The following MAGI2 variants were observed in gnomAD, a reference collection of about 807,000 sequenced individuals.
MAGI2 encodes the protein membrane associated guanylate kinase, WW and PDZ domain containing 2, also known as membrane-associated guanylate kinase, WW and PDZ domain-containing protein 2.
MAGI2 carries 35 observed loss-of-function variants against 133.3 expected under a neutral mutation model. The observed-to-expected ratio is 0.26, with a 90% CI of 0.20 to 0.35. MAGI2 has a LOEUF of 0.35. MAGI2 is among the 10% of genes least tolerant of loss of function. The pLI, the probability that MAGI2 is intolerant of heterozygous loss-of-function variation, is 1.00. For synonymous variants in MAGI2, 729 were observed against 710.6 expected, an observed-to-expected ratio of 1.03 and a Z score of -0.41; for missense variants, 1,636 against 1,863.4, an observed-to-expected ratio of 0.88 and a Z score of 2.25.
At chr7:78,778,337 C>T (rs766959550) in intron 2 of MAGI2, among the ~76,000 whole-genome samples, 1 of 152,208 alleles carries the variant, frequency 6.6e-6, no homozygotes, top group Non-Finnish European at 1.5e-5. Flanking sequence ...TCACTTTCCC[C>T]ATTCCCTTAG....
intron 3 of MAGI2, among the ~76,000 whole-genome samples, chr7:78,619,448 G>T (rs1807477712): frequency 1.3e-5 from 2 of 151,910 alleles, no homozygotes; most frequent in South Asian, 4.1e-4. Context: ...GGTTAATATT[G>T]TAGTTAAGGT....
chr7:79,080,268 C>T (rs1326207632), intron 1 of MAGI2, among the ~76,000 whole-genome samples: 1 of 152,032 alleles, frequency 6.6e-6, no homozygotes, highest in African/African-American at 2.4e-5. Context: ...ATGAAATGTA[C>T]AATCAATGAC....
At chr7:78,524,513 T>A (rs1224400058) in intron 3 of MAGI2, among the ~76,000 whole-genome samples, 1 of 152,128 alleles carries the variant, frequency 6.6e-6, no homozygotes, top group Non-Finnish European at 1.5e-5. Context: ...AAGAGAGTAA[T>A]GCAAGAAAAA....
At chr7:78,338,643 C>T (rs1222823865) in intron 9 of MAGI2, among the ~76,000 whole-genome samples, 3 of 152,140 alleles carry the variant, frequency 2.0e-5, no homozygotes, top group Non-Finnish European at 4.4e-5. Flanking sequence ...GAGCCATTCC[C>T]TCTATTATAA....
At chr7:78,470,816 A>G (rs1791121570) in intron 6 of MAGI2, among the ~76,000 whole-genome samples, 1 of 152,184 alleles carries the variant, frequency 6.6e-6, no homozygotes. Flanking sequence ...TGTTATATGG[A>G]CATCATGTAA....
At chr7:79,326,624 T>C (rs769847667) in intron 1 of MAGI2, among the ~76,000 whole-genome samples, 3 of 151,766 alleles carry the variant, frequency 2.0e-5, no homozygotes, top group Admixed American at 6.6e-5. Flanking sequence ...AAAATATTAG[T>C]CATTCAGAGC....
At chr7:78,402,306 GGTGT>G (rs756360570) in intron 6 of MAGI2, among the ~76,000 whole-genome samples, 1 of 144,302 alleles carries the variant, frequency 6.9e-6, no homozygotes, top group African/African-American at 2.6e-5. Flanking sequence ...GTCCACCTGG[GGTGT>G]GTGTGTATCC....
chr7:78,522,371 G>C (rs1796578031), intron 3 of MAGI2, among the ~76,000 whole-genome samples: 1 of 152,124 alleles, frequency 6.6e-6, no homozygotes, highest in Admixed American at 6.6e-5. Context: ...TTTATTAAGT[G>C]ATCATCTTTA....
chr7:78,861,973 A>G (rs113469973), intron 2 of MAGI2, among the ~76,000 whole-genome samples: 2 of 152,338 alleles, frequency 1.3e-5, no homozygotes, highest in African/African-American at 2.4e-5. Flanking sequence ...AATGTGGAAT[A>G]CCAATTAAAC....
intron 9 of MAGI2, among the ~76,000 whole-genome samples, chr7:78,320,860 A>G (rs1205953201): frequency 6.6e-6 from 1 of 152,156 alleles, no homozygotes; most frequent in African/African-American, 2.4e-5. Context: ...ACATGATGGT[A>G]TATTTAGAAA....
Position 78,240,435 on chromosome 7 carries a change from A to G in MAGI2, c.2047+15508T>C, listed in dbSNP as rs199518934. Among the ~76,000 whole-genome samples the G allele has an allele frequency of 1.7e-4, 26 of 152,306 alleles. No individual in the cohort carries two copies. The East Asian group carries it at 4.8e-3, about 28-fold the overall frequency. On this transcript the variant is annotated intron_variant, in intron 10 of 21. Coordinates refer to ENST00000354212, the MANE Select transcript of MAGI2 (RefSeq NM_012301.4). The stretch of plus-strand genomic sequence containing the variant: ...TGGATAAAGAAAATGTGTTATATCT[A>G]TATAATGGAATGGTATTCAGCCATA...
intron 6 of MAGI2, among the ~76,000 whole-genome samples, chr7:78,460,559 A>G (rs1459866150): frequency 6.6e-6 from 1 of 152,328 alleles, no homozygotes; most frequent in East Asian, 1.9e-4. Flanking sequence ...CACACTGAGA[A>G]TGACAGTGTG....
chr7:78,679,684 C>T lies in MAGI2; in HGVS notation c.419-52445G>A, dbSNP rs923060240. Among the ~76,000 whole-genome samples, 30 of 152,128 alleles carry T rather than the reference C, an allele frequency of 2.0e-4. 1 individual carries two copies. The highest frequency in any genetic ancestry group is 2.1e-4 in the South Asian group (1 of 4,824). ...AGAAAATGCTATTCTGGAGTTTACA[C>T]GTAGAAAAGACAGGTCGGAGGAAGC... On this transcript the variant is annotated intron_variant, in intron 2 of 21. Transcript: ENST00000354212.
intron 2 of MAGI2, among the ~76,000 whole-genome samples, chr7:78,948,564 G>A (rs1801617205): frequency 6.6e-6 from 1 of 152,028 alleles, no homozygotes. Flanking sequence ...AGTATTTATT[G>A]ACAGAATGTT....
chr7:78,707,459 A>T (rs1496768), intron 2 of MAGI2, among the ~76,000 whole-genome samples: 1 of 152,106 alleles, frequency 6.6e-6, no homozygotes, highest in Non-Finnish European at 1.5e-5. Context: ...AAGTTGTGCC[A>T]GACACTACTT....
intron 7 of MAGI2, among the ~76,000 whole-genome samples, chr7:78,349,305 G>T (rs1018347675): frequency 6.6e-6 from 1 of 152,106 alleles, no homozygotes; most frequent in Non-Finnish European, 1.5e-5. Flanking sequence ...TCAAACATAT[G>T]TCAATAACTT....
intron 6 of MAGI2, among the ~76,000 whole-genome samples, chr7:78,474,382 C>A (rs1029216009): frequency 3.3e-5 from 5 of 151,988 alleles, no homozygotes; most frequent in Non-Finnish European, 5.9e-5. Context: ...AGAAAACCCA[C>A]AAGCTGAATT....
chr7:78,641,085 TGAA>T (rs1224831689), intron 2 of MAGI2, among the ~76,000 whole-genome samples: 3 of 152,188 alleles, frequency 2.0e-5, no homozygotes, highest in Admixed American at 2.0e-4. Flanking sequence ...TGCCACCATG[TGAA>T]GAAGGACATG....
intron 1 of MAGI2, among the ~76,000 whole-genome samples, chr7:79,391,103 T>C (rs1563180006): frequency 6.6e-6 from 1 of 152,154 alleles, no homozygotes; most frequent in Non-Finnish European, 1.5e-5. Context: ...AGTTTTTACA[T>C]AAAGAACTTT....
Sources: gnomAD v4.1 joint callset for allele counts (sites outside exome capture counted in the v4.1 genomes callset) on GRCh38, gnomAD v4.1.1 for gene constraint, MANE v1.5 for transcripts, NCBI Gene and HGNC (gene_info 2026-07-23, HGNC 2026-07-21) for gene names.